Variants in NDST4 observed in about 807,000 individuals in gnomAD.
NDST4 encodes the protein N-heparan sulfate sulfotransferase 4.
Under a neutral mutation model 100.8 loss-of-function variants are expected in NDST4, and 63 were observed. That is an observed-to-expected ratio of 0.62 (90% confidence interval 0.51 to 0.77). NDST4 has a LOEUF of 0.77. NDST4 is among the 30% of genes least tolerant of loss of function. NDST4 has a pLI of 0.00. For missense variants in NDST4, 943 were observed against 1,018.4 expected, an observed-to-expected ratio of 0.93 and a Z score of 1.01; for synonymous variants, 377 against 361.8, an observed-to-expected ratio of 1.04 and a Z score of -0.48.
At chr4:114,860,399 C>T (rs1723893371) in intron 7 of NDST4, among the ~76,000 whole-genome samples, 1 of 152,026 alleles carries the variant, frequency 6.6e-6, no homozygotes, top group South Asian at 2.1e-4. Flanking sequence ...TGCAGATTCC[C>T]AGCTAGAGAG....
At position 115,010,406 on chromosome 4, in the gene NDST4, AATC is replaced by A. The variant is rs1285661323; in HGVS notation, c.979-33135_979-33133del. Among the ~76,000 whole-genome samples, 5 of 128,542 alleles carry A rather than the reference AATC, an allele frequency of 3.9e-5. 1 individual carries two copies. The highest frequency in any genetic ancestry group is 8.3e-5 in the Non-Finnish European group (5 of 60,162). 84.3% of individuals were successfully genotyped at this position (128,542 alleles called of 152,430 possible). ...CTGTAAGGACATGGATGAAATTTGA[AATC>A]ATCATTCTCAGTAAGCTATCGCAAG... On this transcript the variant is annotated intron_variant, in intron 2 of 13. Coordinates refer to ENST00000264363, the MANE Select transcript of NDST4 (RefSeq NM_022569.3).
chr4:115,008,755 C>A lies in NDST4; in HGVS notation c.979-31481G>T, dbSNP rs1219420753. 6.3e-5 allele frequency among the ~76,000 whole-genome samples: 8 copies of A among 127,652 alleles called. 1 individual carries two copies. The highest frequency in any genetic ancestry group is 2.4e-4 in the African/African-American group (8 of 33,664). The allele number at this position is 127,652 out of a possible 152,430, so 83.7% of individuals were successfully genotyped here. A position where few individuals can be genotyped will look rare whatever the true frequency, so the allele number is the denominator to read the frequency against. On this transcript the variant is annotated intron_variant, in intron 2 of 13. Transcript: ENST00000264363. ...GAGGAAGTCAAATTGTCCCTGTTTG[C>A]AGATGACATGATTGTATATCTAGAA...
At chr4:114,998,524 T>C (rs996469157) in intron 2 of NDST4, among the ~76,000 whole-genome samples, 3 of 152,032 alleles carry the variant, frequency 2.0e-5, no homozygotes, top group Non-Finnish European at 4.4e-5. Flanking sequence ...TAGGGAAACA[T>C]TGTTTTTAAA....
At chr4:115,106,087 A>G (rs1729827666) in intron 1 of NDST4, among the ~76,000 whole-genome samples, 2 of 152,086 alleles carry the variant, frequency 1.3e-5, no homozygotes, top group South Asian at 2.1e-4. Flanking sequence ...ATTACATCAT[A>G]AGGTAATAAG....
intron 7 of NDST4, among the ~76,000 whole-genome samples, chr4:114,858,512 G>C (rs1246886558): frequency 6.6e-6 from 1 of 152,178 alleles, no homozygotes; most frequent in East Asian, 1.9e-4. Flanking sequence ...TGATGGAAAG[G>C]CCACTTGAAA....
At chr4:114,835,930 C>T (rs1190713544) in intron 11 of NDST4, among the ~76,000 whole-genome samples, 1 of 152,186 alleles carries the variant, frequency 6.6e-6, no homozygotes, top group Non-Finnish European at 1.5e-5. Context: ...ACTAGGATTG[C>T]AACCTCTGCA....
intron 7 of NDST4, among the ~76,000 whole-genome samples, chr4:114,867,778 T>G (rs1724066412): frequency 6.6e-6 from 1 of 151,842 alleles, no homozygotes; most frequent in African/African-American, 2.4e-5. Flanking sequence ...AGTACAATTT[T>G]AAGAGTCTTA....
intron 7 of NDST4, among the ~76,000 whole-genome samples, chr4:114,864,478 G>A (rs910912958): frequency 1.4e-4 from 21 of 152,146 alleles, no homozygotes; most frequent in East Asian, 3.9e-4. Flanking sequence ...GTATTGTACA[G>A]GGTGGTGACT....
intron 2 of NDST4, among the ~76,000 whole-genome samples, chr4:115,006,707 T>C (rs1260311713): frequency 2.0e-5 from 3 of 152,070 alleles, no homozygotes; most frequent in African/African-American, 7.2e-5. Context: ...GTGGTATATA[T>C]AAATTGTACA....
At chr4:114,832,326 CCT>C (rs1483994330) in intron 12 of NDST4, among the ~76,000 whole-genome samples, 1 of 152,126 alleles carries the variant, frequency 6.6e-6, no homozygotes, top group Non-Finnish European at 1.5e-5. Context: ...TTTTCCTGTT[CCT>C]CTGTTAGCCT....
chr4:115,055,081 G>A (rs960657713), intron 2 of NDST4, among the ~76,000 whole-genome samples: 3 of 151,942 alleles, frequency 2.0e-5, no homozygotes, highest in Non-Finnish European at 2.9e-5. Context: ...CTCTCATAGG[G>A]GCGTGAACCC....
intron 1 of NDST4, among the ~76,000 whole-genome samples, chr4:115,101,646 T>C (rs1729732037): frequency 6.6e-6 from 1 of 152,088 alleles, no homozygotes; most frequent in Non-Finnish European, 1.5e-5. Context: ...AAGAGAATAC[T>C]GGTGGTGGTG....
At chr4:114,995,513 T>C (rs780495138) in intron 2 of NDST4, among the ~76,000 whole-genome samples, 2 of 152,180 alleles carry the variant, frequency 1.3e-5, no homozygotes, top group Non-Finnish European at 2.9e-5. Context: ...TGAATAAGCA[T>C]CTGACTTAGA....
chr4:115,112,023 A>G (rs1196797462), intron 1 of NDST4, among the ~76,000 whole-genome samples: 1 of 151,726 alleles, frequency 6.6e-6, no homozygotes, highest in East Asian at 1.9e-4. Flanking sequence ...TTCCAGTTGA[A>G]AACTTAGACT....
chr4:115,069,497 T>C (rs2126286878), intron 2 of NDST4, among the ~76,000 whole-genome samples: 2 of 152,180 alleles, frequency 1.3e-5, no homozygotes, highest in South Asian at 2.1e-4. Flanking sequence ...GCAGATGACA[T>C]GAACAGACAC....
intron 10 of NDST4, among the ~76,000 whole-genome samples, chr4:114,843,177 T>C (rs537728180): frequency 6.6e-6 from 1 of 152,302 alleles, no homozygotes; most frequent in Admixed American, 6.5e-5. Context: ...TGTATACATA[T>C]TTCGTTTTAG....
At chr4:114,917,253 C>A (rs116218798) in intron 6 of NDST4, among the ~76,000 whole-genome samples, 41 of 152,162 alleles carry the variant, frequency 2.7e-4, no homozygotes, top group Admixed American at 4.6e-4. Context: ...AGCACATATG[C>A]TTTTGTTTTA....
intron 4 of NDST4, chr4:114,955,905 G>T (rs1726128419): frequency 6.6e-6 from 1 of 152,160 alleles, no homozygotes; most frequent in Admixed American, 6.5e-5. Context: ...TCTCTGTAGT[G>T]TCAAGTCTAG....
intron 1 of NDST4, among the ~76,000 whole-genome samples, chr4:115,092,193 T>A (rs1729533399): frequency 6.6e-6 from 1 of 152,092 alleles, no homozygotes; most frequent in Non-Finnish European, 1.5e-5. Context: ...TTGGTGCCCT[T>A]AAACTATGGA....
Sources: allele counts gnomAD v4.1 joint callset (sites outside exome capture counted in the v4.1 genomes callset), GRCh38; gene constraint gnomAD v4.1.1; transcripts MANE v1.5; gene names NCBI Gene and HGNC (gene_info 2026-07-23, HGNC 2026-07-21).